Variants in TEX11 observed in about 807,000 individuals in gnomAD.
TEX11 encodes testis-expressed protein 11.
TEX11 carries 7 observed loss-of-function variants against 84.4 expected under a neutral mutation model. That is an observed-to-expected ratio of 0.08 (90% CI 0.05 to 0.16). The LOEUF (loss-of-function observed/expected upper bound fraction) is 0.16, where lower values mean the gene tolerates loss of function less well. Among genes scored for constraint, TEX11 ranks in the 10% least tolerant of loss-of-function variants. The pLI, the probability that TEX11 is intolerant of heterozygous loss-of-function variation, is 1.00. For missense variants in TEX11, 551 were observed against 660.5 expected (o/e 0.83, Z 1.82); for synonymous variants, 264 against 222.8 (o/e 1.18, Z -1.64).
Position 70,842,135 on chromosome X carries a change from G to A in TEX11, c.526-8542C>T, listed in dbSNP as rs1602174152. On this transcript the variant is annotated intron_variant, in intron 7 of 29. Transcript: ENST00000374333. ...AATCCTCCCTAACTCATTTTATGAG[G>A]CCAGCATCATCCTGATACCAAAGCC... is the stretch of plus-strand genomic sequence containing the variant. Among the ~76,000 whole-genome samples the A allele has an allele frequency of 3.6e-5, 4 of 110,911 alleles. No individual in the cohort carries two copies. In the Admixed American group the frequency reaches 3.8e-4, roughly 11 times the overall value.
At chrX:70,715,437 G>A (rs902497791) in intron 13 of TEX11, among the ~76,000 whole-genome samples, 2 of 111,834 alleles carry the variant, frequency 1.8e-5, no homozygotes, top group African/African-American at 3.3e-5. Flanking sequence ...CCAATCAGAC[G>A]TAGATTTGGT....
chrX:70,588,372 C>A (rs999550172), intron 25 of TEX11, among the ~76,000 whole-genome samples: 6 of 111,555 alleles, frequency 5.4e-5, no homozygotes, highest in Non-Finnish European at 7.5e-5. Flanking sequence ...ATCACAAGGG[C>A]AATTTCCCTC....
At chrX:70,854,175 G>C (rs2091522871) in intron 5 of TEX11, among the ~76,000 whole-genome samples, 1 of 111,855 alleles carries the variant, frequency 8.9e-6, no homozygotes, top group South Asian at 3.7e-4. Flanking sequence ...AAATAGAATT[G>C]AGAGAGCTAG....
intron 25 of TEX11, among the ~76,000 whole-genome samples, chrX:70,579,921 T>C: frequency 8.9e-6 from 1 of 112,104 alleles, no homozygotes; most frequent in Admixed American, 9.5e-5. Flanking sequence ...GTACAACCAC[T>C]GTGGAGAAGA....
intron 21 of TEX11, among the ~76,000 whole-genome samples, chrX:70,610,206 GGA>G (rs2089243139): frequency 2.8e-5 from 2 of 70,227 alleles, no homozygotes; most frequent in Non-Finnish European, 2.7e-5. Flanking sequence ...AAGGAAGGAA[GGA>G]AGAGAGGGAG....
chrX:70,564,597 T>A (rs1396880935), intron 25 of TEX11, among the ~76,000 whole-genome samples: 2 of 92,048 alleles, frequency 2.2e-5, no homozygotes, highest in Non-Finnish European at 4.2e-5. Context: ...ATGTTCCCCT[T>A]CCTGTGTCCA....
chrX:70,674,320 G>A (rs1306382396), intron 15 of TEX11, among the ~76,000 whole-genome samples: 1 of 111,676 alleles, frequency 9.0e-6, no homozygotes, highest in Non-Finnish European at 1.9e-5. Flanking sequence ...TTTAGGTTGA[G>A]TCCATGTCTT....
At chrX:70,712,007 T>C (rs902048066) in intron 13 of TEX11, among the ~76,000 whole-genome samples, 4 of 111,950 alleles carry the variant, frequency 3.6e-5, no homozygotes, top group Non-Finnish European at 7.5e-5. Context: ...TTTCTACATA[T>C]GGCTAGCCAG....
Position 70,529,865 on chromosome X carries a change from A to G in TEX11, c.2655T>C (p.Leu885=), listed in dbSNP as rs759021235. The stretch of plus-strand genomic sequence containing the variant: ...TTTCATAGCTTTCCTTGAAGGAGGT[A>G]AGGTGGTTAAGGAAACGCAAGGCCA... ...CGLALRFLNH[L]TSFKESYETQ... is the part of the protein sequence containing the mutation. Residue 885 remains leucine (L), a synonymous_variant, in exon 29 of 30, where the codon CTT becomes CTC. Coordinates refer to ENST00000374333, the MANE Select transcript of TEX11 (RefSeq NM_031276.3). 3.9e-5 allele frequency: 47 copies of G among 1,209,004 alleles called. No homozygotes were observed. The South Asian group carries it at 8.3e-4, about 21-fold the overall frequency.
chrX:70,871,202 C>T (rs1467141309), intron 4 of TEX11, among the ~76,000 whole-genome samples: 5 of 112,646 alleles, frequency 4.4e-5, no homozygotes, highest in East Asian at 5.5e-4. Context: ...CGTGAGCCAC[C>T]GCTACCAGCC....
At chrX:70,759,441 C>A (rs1261366967) in intron 9 of TEX11, among the ~76,000 whole-genome samples, 3 of 111,897 alleles carry the variant, frequency 2.7e-5, no homozygotes, top group Non-Finnish European at 3.8e-5. Flanking sequence ...AGCTTCACCC[C>A]TGGGATGCAA....
intron 4 of TEX11, among the ~76,000 whole-genome samples, chrX:70,863,338 A>C (rs2091580835): frequency 8.9e-6 from 1 of 111,807 alleles, no homozygotes; most frequent in Admixed American, 9.5e-5. Context: ...AGCTGGCATT[A>C]GGCTGGTGCC....
intron 8 of TEX11, among the ~76,000 whole-genome samples, chrX:70,829,416 A>G (rs1174795907): frequency 2.9e-5 from 3 of 103,396 alleles, no homozygotes; most frequent in Non-Finnish European, 3.9e-5. Context: ...CAGGAGGCGG[A>G]TGTTGCAGTG....
chrX:70,702,028 G>A (rs1364434437), intron 13 of TEX11, among the ~76,000 whole-genome samples: 10 of 111,954 alleles, frequency 8.9e-5, no homozygotes, highest in South Asian at 7.5e-4. Context: ...TGAAGATGCC[G>A]TGTACATTGT....
intron 11 of TEX11, among the ~76,000 whole-genome samples, chrX:70,732,133 A>C (rs2090657620): frequency 1.8e-5 from 2 of 111,790 alleles, no homozygotes; most frequent in Admixed American, 1.9e-4. Flanking sequence ...TGAATAAATT[A>C]GGTATTGATG....
chrX:70,595,795 A>G (rs2088998551), intron 24 of TEX11, among the ~76,000 whole-genome samples: 1 of 111,872 alleles, frequency 8.9e-6, no homozygotes, highest in Non-Finnish European at 1.9e-5. Flanking sequence ...AAAAATAGTA[A>G]CATTAAATGT....
intron 25 of TEX11, among the ~76,000 whole-genome samples, chrX:70,569,198 C>T (rs1313779777): frequency 3.6e-5 from 4 of 112,092 alleles, no homozygotes; most frequent in East Asian, 2.8e-4. Context: ...TTGATCGCAT[C>T]GGCTCCTGAG....
intron 28 of TEX11, among the ~76,000 whole-genome samples, chrX:70,535,161 A>G (rs976920379): frequency 1.8e-5 from 2 of 112,301 alleles, no homozygotes; most frequent in Non-Finnish European, 3.8e-5. Context: ...ATTCCTTTCA[A>G]TGGACAAATA....
chrX:70,544,775 G>T (rs1174700332), intron 28 of TEX11, among the ~76,000 whole-genome samples: 1 of 95,550 alleles, frequency 1.0e-5, no homozygotes, highest in Non-Finnish European at 2.0e-5. Context: ...GGAGGCAGAG[G>T]TTGCAGTGAG....
Sources: gnomAD v4.1 joint callset for allele counts (sites outside exome capture counted in the v4.1 genomes callset) on GRCh38, gnomAD v4.1.1 for gene constraint, MANE v1.5 for transcripts, NCBI Gene and HGNC (gene_info 2026-07-23, HGNC 2026-07-21) for gene names.